Variants in FUBP1 observed in about 807,000 individuals in gnomAD.
The protein encoded by FUBP1 is far upstream element binding protein 1.
In FUBP1, 16 loss-of-function variants were observed where a neutral mutation model predicts 94.9. The observed-to-expected ratio is 0.17, with a 90% CI of 0.11 to 0.26. FUBP1 has a LOEUF of 0.26. Among genes scored for constraint, FUBP1 ranks in the 10% least tolerant of loss-of-function variants. The pLI, the probability that FUBP1 is intolerant of heterozygous loss-of-function variation, is 1.00. For missense variants in FUBP1, 583 were observed against 808.6 expected (o/e 0.72, Z 3.38); for synonymous variants, 279 against 254.9 (o/e 1.09, Z -0.90).
chr1:77,964,177 A>C lies in FUBP1; in HGVS notation c.941-15T>G, dbSNP rs1364966682. On this transcript the variant is annotated splice_polypyrimidine_tract_variant and intron_variant, in intron 11 of 19. Coordinates refer to ENST00000370768, the MANE Select transcript of FUBP1 (RefSeq NM_003902.5). ...TGTCCCATCATCTTCAAAACAAAGA[A>C]ACAAAATTAATTAAACAATAAATGT... 1.9e-6 allele frequency: 3 copies of C among 1,578,190 alleles called. No homozygotes were observed. The African/African-American group carries it at 4.0e-5, about 21-fold the overall frequency.
At chr1:77,967,399 CCT>C (rs543375625) in intron 4 of FUBP1, among the ~76,000 whole-genome samples, 46 of 152,244 alleles carry the variant, frequency 3.0e-4, no homozygotes, top group Admixed American at 2.2e-3. Flanking sequence ...CTAATTCACC[CCT>C]GTTCTTCTAA....
chr1:77,953,447 C>T (rs1269275152), intron 18 of FUBP1, among the ~76,000 whole-genome samples: 1 of 152,012 alleles, frequency 6.6e-6, no homozygotes, highest in African/African-American at 2.4e-5. Context: ...GCTGAGATTG[C>T]GCCACCGCAC....
intron 18 of FUBP1, among the ~76,000 whole-genome samples, chr1:77,950,850 G>C (rs963859544): frequency 2.0e-5 from 3 of 152,046 alleles, no homozygotes; most frequent in African/African-American, 7.2e-5. Context: ...ACAGGTCACA[G>C]ACTCAAAGCA....
upstream of FUBP1, chr1:77,979,085 G>T: frequency 7.3e-7 from 1 of 1,362,424 alleles, no homozygotes; most frequent in Non-Finnish European, 9.9e-7. Context: ...AATGGCGGCC[G>T]TCGAAGCTCT....
rs1310661305 is a variant in FUBP1, at chr1:77,947,617, G to C, written c.*1149C>G. On this transcript the variant is annotated 3_prime_UTR_variant, in exon 20 of 20. Coordinates refer to ENST00000370768, the MANE Select transcript of FUBP1 (RefSeq NM_003902.5). ...AGTCTAATATATTAATATGCAAAGA[G>C]CCAACAAATATGCAAAGAGTAAAAC... is the stretch of plus-strand genomic sequence containing the variant. 4 of 1,000,864 alleles carry C rather than the reference G, an allele frequency of 4.0e-6. No homozygotes were observed. Among genetic ancestry groups the C allele is most frequent in the Admixed American group, 2.2e-5 (1 of 44,972 alleles). The allele number at this position is 1,000,864 out of a possible 1,614,324, so 62.0% of individuals were successfully genotyped here. A position where few individuals can be genotyped will look rare whatever the true frequency, so the allele number is the denominator to read the frequency against.
At position 77,948,202 on chromosome 1, in the gene FUBP1, C is replaced by T. The variant is rs1227086404; in HGVS notation, c.*564G>A. ...AAAAAAAATGAAGATATCAGGATTA[C>T]TTGTGCTGAAAGAGCCAATACAATA... On this transcript the variant is annotated 3_prime_UTR_variant, in exon 20 of 20. Coordinates refer to ENST00000370768, the MANE Select transcript of FUBP1 (RefSeq NM_003902.5). 1 of 1,049,366 alleles carries T rather than the reference C, an allele frequency of 9.5e-7. No homozygotes were observed. Among genetic ancestry groups the T allele is most frequent in the Non-Finnish European group, 1.2e-6 (1 of 868,874 alleles). 65.0% of individuals were successfully genotyped at this position (1,049,366 alleles called of 1,614,324 possible).
chr1:77,946,253 A>G lies in FUBP1; in HGVS notation c.*2513T>C, dbSNP rs1373581537. ...CTTCTATATTTGGGGAAAAAATACA[A>G]AAAGATTTGGATGTAGTTCAATTAC... On this transcript the variant is annotated 3_prime_UTR_variant, in exon 20 of 20. Transcript: ENST00000370768. Among the ~76,000 whole-genome samples, 3 of 151,856 alleles carry G rather than the reference A, an allele frequency of 2.0e-5. No individual in the cohort carries two copies. Among genetic ancestry groups the G allele is most frequent in the African/African-American group, 7.2e-5 (3 of 41,404 alleles).
intron 1 of FUBP1, among the ~76,000 whole-genome samples, chr1:77,975,629 G>A (rs555646005): frequency 3.6e-4 from 55 of 151,990 alleles, no homozygotes; most frequent in Middle Eastern, 3.4e-3. Flanking sequence ...ATATAACCTC[G>A]AGGAAAAAAA....
chr1:77,950,131 T>C (rs1224693212), intron 18 of FUBP1, among the ~76,000 whole-genome samples: 1 of 152,140 alleles, frequency 6.6e-6, no homozygotes, highest in African/African-American at 2.4e-5. Flanking sequence ...ACTATGGAAA[T>C]TTAAATATAG....
rs1443993303 is a variant in FUBP1 at position 77,944,595 on chromosome 1, A to G, written c.*4171T>C. On this transcript the variant is annotated 3_prime_UTR_variant, in exon 20 of 20. Coordinates refer to ENST00000370768, the MANE Select transcript of FUBP1 (RefSeq NM_003902.5). Reference sequence around the variant, plus strand: ...TAAAAACAAGACATCCTCACTGATTAGTAAACTCTACATCATTATTCTACA... The same window carrying G: ...TAAAAACAAGACATCCTCACTGATTGGTAAACTCTACATCATTATTCTACA... Among the ~76,000 whole-genome samples the G allele has an allele frequency of 6.6e-6, 1 of 151,956 alleles. No individual in the cohort carries two copies. Among genetic ancestry groups the G allele is most frequent in the Non-Finnish European group, 1.5e-5 (1 of 67,870 alleles).
intron 14 of FUBP1, 121 bp from the exon 15 acceptor site, chr1:77,960,616 T>C: frequency 1.4e-6 from 1 of 724,702 alleles, no homozygotes; most frequent in Non-Finnish European, 2.1e-6. Flanking sequence ...TTTTAGGTTT[T>C]CCTTCCTTTC....
intron 1 of FUBP1, among the ~76,000 whole-genome samples, chr1:77,972,199 AG>A (rs773499060): frequency 2.6e-5 from 4 of 152,142 alleles, no homozygotes; most frequent in Non-Finnish European, 4.4e-5. Flanking sequence ...ATTGTTCCTC[AG>A]GAAAGTAAAT....
intron 1 of FUBP1, among the ~76,000 whole-genome samples, chr1:77,971,924 G>A (rs1187614178): frequency 2.0e-5 from 3 of 148,092 alleles, no homozygotes; most frequent in African/African-American, 7.5e-5. Context: ...AGAACTGCTT[G>A]AACCCAGGAA....
chr1:77,963,775 A>G (rs1422900895), intron 12 of FUBP1, 60 bp from the exon 13 acceptor site: 4 of 1,415,502 alleles, frequency 2.8e-6, no homozygotes, highest in Non-Finnish European at 3.9e-6. Flanking sequence ...GTTTCATGAT[A>G]AAATTATTAA....
Position 77,960,866 on chromosome 1 carries a change from T to A in FUBP1, c.1345-371A>T, listed in dbSNP as rs80163192. 5.5e-3 allele frequency: 1,049 copies of A among 191,922 alleles called. 5 individuals are homozygous for A. Among genetic ancestry groups the A allele is most frequent in the Non-Finnish European group, 8.2e-3 (773 of 93,824 alleles). 11.9% of individuals were successfully genotyped at this position (191,922 alleles called of 1,614,324 possible). On this transcript the variant is annotated intron_variant, in intron 14 of 19. Transcript: ENST00000370768. ...CAGGTCCTTATCTTCAGCTCTTCTC[T>A]CTATATCTACTTGCCTAACATGAGA...
chr1:77,979,437 C>T (rs1659410042), upstream of FUBP1: 1 of 170,316 alleles, frequency 5.9e-6, no homozygotes, highest in African/African-American at 2.4e-5. Context: ...GAATTTTCCG[C>T]TATGGGTCAT....
intron 18 of FUBP1, 146 bp downstream of exon 18, chr1:77,955,109 A>G (rs919438749): frequency 2.9e-5 from 16 of 561,124 alleles, no homozygotes; most frequent in African/African-American, 2.7e-4. Flanking sequence ...TCCTTGCCAT[A>G]TAACCACAAA....
At chr1:77,959,596 T>C (rs1237793391) in intron 16 of FUBP1, among the ~76,000 whole-genome samples, 1 of 151,992 alleles carries the variant, frequency 6.6e-6, no homozygotes, top group East Asian at 1.9e-4. Flanking sequence ...CCCAGGGGAG[T>C]GCAATGGTGT....
At chr1:77,979,372 G>T (rs1487401533), upstream of FUBP1, 12 of 231,144 alleles carry the variant, frequency 5.2e-5, no homozygotes, top group Admixed American at 6.6e-4. Context: ...GTGGTGGGAA[G>T]CCTGAAGAAA....
Sources: allele counts gnomAD v4.1 joint callset (sites outside exome capture counted in the v4.1 genomes callset), GRCh38; gene constraint gnomAD v4.1.1; transcripts MANE v1.5; gene names NCBI Gene and HGNC (gene_info 2026-07-23, HGNC 2026-07-21).